OSTF1: variants seen among roughly 807,000 people sequenced by gnomAD.
OSTF1 encodes osteoclast stimulating factor 1, also known as osteoclast-stimulating factor 1.
Under a neutral mutation model 37.2 loss-of-function variants are expected in OSTF1, and 27 were observed. The ratio of observed to expected loss-of-function variants is 0.73; its 90% CI spans 0.54 to 1.00. The LOEUF is 1.00. Ranked by LOEUF, OSTF1 falls within the 50% of genes least tolerant of loss-of-function variation. The pLI is 0.00. For synonymous variants in OSTF1, 82 were observed against 89.2 expected (o/e 0.92, Z 0.46); for missense variants, 232 against 253.8 (o/e 0.91, Z 0.58).
At chr9:75,137,319 C>A (rs1363648148) in intron 7 of OSTF1, among the ~76,000 whole-genome samples, 1 of 152,188 alleles carries the variant, frequency 6.6e-6, no homozygotes, top group Non-Finnish European at 1.5e-5. Flanking sequence ...TCCACCAAGT[C>A]AGCTTGTACT....
intron 7 of OSTF1, 76 bp from the exon 8 acceptor site, chr9:75,137,462 G>A (rs1825860464): frequency 1.0e-6 from 1 of 983,504 alleles, no homozygotes; most frequent in African/African-American, 1.6e-5. Flanking sequence ...GTTTAACTGG[G>A]TTAAACCTGA....
At position 75,103,415 on chromosome 9, in the gene OSTF1, G is replaced by A. The variant is rs187944944; in HGVS notation, c.35-14089G>A. Among the ~76,000 whole-genome samples, 997 of 152,292 alleles carry A rather than the reference G, an allele frequency of 6.5e-3. 8 individuals are homozygous for A. Among genetic ancestry groups the A allele is most frequent in the Non-Finnish European group, 9.1e-3 (619 of 68,020 alleles). The stretch of plus-strand genomic sequence containing the variant: ...CATTGTAGACAATTTAGAAAATAAA[G>A]AAGAAAATAAGTATGACTCATAGTT... On this transcript the variant is annotated intron_variant, in intron 1 of 9. Transcript: ENST00000346234.
intron 1 of OSTF1, among the ~76,000 whole-genome samples, chr9:75,098,494 G>T (rs922958936): frequency 6.6e-6 from 1 of 152,044 alleles, no homozygotes; most frequent in African/African-American, 2.4e-5. Context: ...ATATGTCTGG[G>T]GCTTTATATG....
intron 3 of OSTF1, among the ~76,000 whole-genome samples, chr9:75,128,065 G>A (rs2118564047): frequency 6.6e-6 from 1 of 151,880 alleles, no homozygotes; most frequent in Admixed American, 6.6e-5. Context: ...TCTATGAAGA[G>A]TAAAGATCCT....
chr9:75,123,277 C>T (rs780042469), intron 2 of OSTF1, among the ~76,000 whole-genome samples: 3 of 152,174 alleles, frequency 2.0e-5, no homozygotes, highest in Non-Finnish European at 4.4e-5. Flanking sequence ...AAAAAATCAG[C>T]CGGGCGAGGT....
intron 2 of OSTF1, among the ~76,000 whole-genome samples, chr9:75,117,890 C>T (rs1825517661): frequency 6.6e-6 from 1 of 152,258 alleles, no homozygotes; most frequent in African/African-American, 2.4e-5. Flanking sequence ...TCTTGACCCT[C>T]TACCTCAAAA....
intron 1 of OSTF1, among the ~76,000 whole-genome samples, chr9:75,096,660 G>A (rs894736075): frequency 2.6e-5 from 4 of 152,224 alleles, no homozygotes; most frequent in Non-Finnish European, 4.4e-5. Context: ...ACTGCCATGA[G>A]ACAAAGAAAT....
At chr9:75,091,575 G>C (rs1490070240) in intron 1 of OSTF1, among the ~76,000 whole-genome samples, 10 of 152,170 alleles carry the variant, frequency 6.6e-5, no homozygotes, top group Non-Finnish European at 1.3e-4. Context: ...TGTCCTGCAG[G>C]CAAGCTGCAT....
intron 3 of OSTF1, 119 bp from the exon 4 acceptor site, chr9:75,130,459 T>C (rs1825744738): frequency 2.9e-6 from 2 of 685,002 alleles, no homozygotes; most frequent in East Asian, 5.4e-5. Flanking sequence ...AGCTTGATAG[T>C]GTGGGTAGGG....
chr9:75,090,897 C>T (rs551797794), intron 1 of OSTF1, among the ~76,000 whole-genome samples: 2 of 152,308 alleles, frequency 1.3e-5, no homozygotes, highest in African/African-American at 2.4e-5. Context: ...TCACTTTACA[C>T]GTGTTAACAC....
chr9:75,139,050 C>CT lies in OSTF1; in HGVS notation c.487+1437dup, dbSNP rs1554774456. 7.4e-5 allele frequency among the ~76,000 whole-genome samples: 10 copies of CT among 136,024 alleles called. 1 individual carries two copies. Among genetic ancestry groups the CT allele is most frequent in the African/African-American group, 3.0e-4 (9 of 29,604 alleles). 89.2% of individuals were successfully genotyped at this position (136,024 alleles called of 152,430 possible). A position where few individuals can be genotyped will look rare whatever the true frequency, so the allele number is the denominator to read the frequency against. Reference sequence around the variant, plus strand: ...CACTTCTTTCTTTCTTTCTTTCTTTCTTTCTTTTTTTTTTGAAACTGGGTC... The same window carrying CT: ...CACTTCTTTCTTTCTTTCTTTCTTTCTTTTCTTTTTTTTTTGAAACTGGGTC... On this transcript the variant is annotated intron_variant, in intron 8 of 9. Coordinates refer to ENST00000346234, the MANE Select transcript of OSTF1 (RefSeq NM_012383.5).
intron 1 of OSTF1, among the ~76,000 whole-genome samples, chr9:75,095,061 T>A (rs1223426281): frequency 6.6e-6 from 1 of 152,130 alleles, no homozygotes. Context: ...AACACAAATA[T>A]TAGAACCAGG....
chr9:75,109,839 C>G (rs1161584384), intron 1 of OSTF1, among the ~76,000 whole-genome samples: 1 of 152,198 alleles, frequency 6.6e-6, no homozygotes, highest in Admixed American at 6.5e-5. Flanking sequence ...CTCCCACTAG[C>G]AGTATCTGGG....
intron 1 of OSTF1, among the ~76,000 whole-genome samples, chr9:75,091,247 G>A (rs1055026785): frequency 4.6e-5 from 7 of 151,770 alleles, no homozygotes; most frequent in Admixed American, 4.6e-4. Flanking sequence ...CACCATGCCC[G>A]GCTAATTTTT....
chr9:75,103,098 G>C (rs767873789), intron 1 of OSTF1, among the ~76,000 whole-genome samples: 8 of 151,570 alleles, frequency 5.3e-5, no homozygotes, highest in Non-Finnish European at 7.4e-5. Flanking sequence ...ACCAGCCCAT[G>C]CAACATAATG....
intron 9 of OSTF1, among the ~76,000 whole-genome samples, chr9:75,142,793 T>C (rs1363482117): frequency 6.6e-6 from 1 of 152,202 alleles, no homozygotes; most frequent in Non-Finnish European, 1.5e-5. Context: ...ATGTTACTTT[T>C]AAAATGTTTT....
rs1359050775 is a variant in OSTF1, at chr9:75,099,637, G to C, written c.34+10911G>C. 3.9e-5 allele frequency among the ~76,000 whole-genome samples: 6 copies of C among 152,272 alleles called. No individual in the cohort carries two copies. In the East Asian group the frequency reaches 1.2e-3, roughly 30 times the overall value. ...TAGGTCAGGAGTTCGAGACCAGTCTGGCCAACATAGTGAAACCCCGCCTCT... is the reference window on the plus strand; with the variant it reads ...TAGGTCAGGAGTTCGAGACCAGTCTCGCCAACATAGTGAAACCCCGCCTCT... On this transcript the variant is annotated intron_variant, in intron 1 of 9. Coordinates refer to ENST00000346234, the MANE Select transcript of OSTF1 (RefSeq NM_012383.5).
At chr9:75,092,967 G>A (rs1005400515) in intron 1 of OSTF1, among the ~76,000 whole-genome samples, 20 of 151,580 alleles carry the variant, frequency 1.3e-4, no homozygotes, top group African/African-American at 4.9e-4. Context: ...TGCCACCATG[G>A]TACTCTACTA....
At chr9:75,095,952 C>T (rs927035758) in intron 1 of OSTF1, among the ~76,000 whole-genome samples, 4 of 151,064 alleles carry the variant, frequency 2.6e-5, no homozygotes, top group East Asian at 1.9e-4. Context: ...AGTGCAGTGG[C>T]GCGATTTCGG....
Sources: allele counts gnomAD v4.1 joint callset (sites outside exome capture counted in the v4.1 genomes callset), GRCh38; gene constraint gnomAD v4.1.1; transcripts MANE v1.5; gene names NCBI Gene and HGNC (gene_info 2026-07-23, HGNC 2026-07-21).